Variants in PLEKHG1 observed in about 807,000 individuals in gnomAD.
The protein encoded by PLEKHG1 is pleckstrin homology and RhoGEF domain containing G1.
PLEKHG1 carries 44 observed loss-of-function variants against 100.8 expected under a neutral mutation model. The observed-to-expected ratio is 0.44, with a 90% CI of 0.34 to 0.56. The LOEUF (loss-of-function observed/expected upper bound fraction) is 0.56. Ranked by LOEUF, PLEKHG1 falls within the 20% of genes least tolerant of loss-of-function variation. PLEKHG1 has a pLI of 0.01. For synonymous variants in PLEKHG1, 640 were observed against 662.5 expected, an observed-to-expected ratio of 0.97 and a Z score of 0.52; for missense variants, 1,545 against 1,720.9, an observed-to-expected ratio of 0.90 and a Z score of 1.81.
chr6:150,793,766 G>A (rs777890377), intron 4 of PLEKHG1, among the ~76,000 whole-genome samples: 2 of 152,124 alleles, frequency 1.3e-5, no homozygotes, highest in African/African-American at 2.4e-5. Context: ...AAACCAGTAC[G>A]AGTATAATGG....
In PLEKHG1 at chr6:150,764,914, C is replaced by T. The variant is rs113744274; in HGVS notation, c.412-3724C>T. On this transcript the variant is annotated intron_variant, in intron 2 of 15. Coordinates refer to ENST00000358517, the Ensembl canonical transcript of PLEKHG1. Reference sequence around the variant, plus strand: ...TTTACACTTGGCTCTTCAACTATACCGGGAGCTTGCTGGGGGAAGGGATCA... The same window carrying T: ...TTTACACTTGGCTCTTCAACTATACTGGGAGCTTGCTGGGGGAAGGGATCA... Among the ~76,000 whole-genome samples, 74 of 148,808 alleles carry T rather than the reference C, an allele frequency of 5.0e-4. 1 individual carries two copies. Among genetic ancestry groups the T allele is most frequent in the African/African-American group, 1.5e-3 (59 of 39,538 alleles).
At chr6:150,765,245 C>A (rs974854992) in intron 2 of PLEKHG1, among the ~76,000 whole-genome samples, 1 of 152,140 alleles carries the variant, frequency 6.6e-6, no homozygotes, top group African/African-American at 2.4e-5. Flanking sequence ...GTAATCCCAG[C>A]ATTTTGGGAG....
At chr6:150,820,576 C>T (rs1045149105) in intron 12 of PLEKHG1, among the ~76,000 whole-genome samples, 1 of 151,946 alleles carries the variant, frequency 6.6e-6, no homozygotes, top group Non-Finnish European at 1.5e-5. Flanking sequence ...ACAAAAAATG[C>T]AAATAAGGCC....
At chr6:150,781,835 G>A (rs1397041266) in intron 3 of PLEKHG1, among the ~76,000 whole-genome samples, 1 of 150,226 alleles carries the variant, frequency 6.7e-6, no homozygotes, top group Admixed American at 6.6e-5. Context: ...GCAGTGGCCC[G>A]ATCTCGGCTC....
chr6:150,728,384 A>T lies in PLEKHG1; in HGVS notation c.-98-5200A>T, dbSNP rs902208662. On this transcript the variant is annotated intron_variant, in intron 1 of 15. Transcript: ENST00000358517. Reference sequence around the variant, plus strand: ...CAAGATGGGAGGATCACTTGAGCCCAGGAGTTCAAGACCAGCCTGGGCAAC... The same window carrying T: ...CAAGATGGGAGGATCACTTGAGCCCTGGAGTTCAAGACCAGCCTGGGCAAC... Among the ~76,000 whole-genome samples the T allele has an allele frequency of 1.1e-4, 17 of 152,108 alleles. No individual in the cohort carries two copies. In the East Asian group the frequency reaches 1.9e-3, roughly 17 times the overall value.
At chr6:150,773,512 C>T (rs557253377) in intron 3 of PLEKHG1, among the ~76,000 whole-genome samples, 26 of 152,112 alleles carry the variant, frequency 1.7e-4, no homozygotes, top group African/African-American at 3.6e-4. Context: ...TCAGCCTCGG[C>T]GACAAAGCGA....
At chr6:150,678,743 T>G (rs1779841902) in intron 3 of PLEKHG1, among the ~76,000 whole-genome samples, 1 of 152,226 alleles carries the variant, frequency 6.6e-6, no homozygotes. Context: ...TAACAAAGGC[T>G]TTGCTAAAGA....
At chr6:150,718,327 A>C (rs1781518132), upstream of PLEKHG1, among the ~76,000 whole-genome samples, 1 of 152,170 alleles carries the variant, frequency 6.6e-6, no homozygotes, top group Non-Finnish European at 1.5e-5. Context: ...GGTGGGGAGC[A>C]CTGGAACGCA....
intron 3 of PLEKHG1, among the ~76,000 whole-genome samples, chr6:150,709,688 A>G (rs1781173034): frequency 6.6e-6 from 1 of 152,330 alleles, no homozygotes; most frequent in South Asian, 2.1e-4. Context: ...ACCCACCTCA[A>G]CTTCAGATCT....
At chr6:150,755,976 T>C (rs971258469) in intron 2 of PLEKHG1, among the ~76,000 whole-genome samples, 1 of 152,184 alleles carries the variant, frequency 6.6e-6, no homozygotes, top group Non-Finnish European at 1.5e-5. Flanking sequence ...GGCACTTCTG[T>C]TCAGATTATA....
intron 2 of PLEKHG1, among the ~76,000 whole-genome samples, chr6:150,755,087 C>T (rs1036363388): frequency 3.3e-5 from 5 of 152,170 alleles, no homozygotes; most frequent in South Asian, 2.1e-4. Context: ...GCAACCCTCC[C>T]GCCCTAGTTT....
intron 2 of PLEKHG1, among the ~76,000 whole-genome samples, chr6:150,757,004 A>C (rs1783877095): frequency 7.6e-6 from 1 of 131,944 alleles, no homozygotes; most frequent in Non-Finnish European, 1.5e-5. Context: ...GAAAAGCTGT[A>C]CCTGTTTTTG....
intron 3 of PLEKHG1, among the ~76,000 whole-genome samples, chr6:150,691,977 C>T (rs954494480): frequency 6.6e-6 from 1 of 152,236 alleles, no homozygotes; most frequent in Non-Finnish European, 1.5e-5. Flanking sequence ...GGGGTGGATC[C>T]AGGTTCCTGT....
chr6:150,637,416 A>G (rs1398166287), intron 1 of PLEKHG1, among the ~76,000 whole-genome samples: 1 of 149,378 alleles, frequency 6.7e-6, no homozygotes, highest in Admixed American at 6.7e-5. Context: ...TTTTAATTTC[A>G]TGTCATCCTC....
chr6:150,819,331 G>A (rs1021920556), intron 11 of PLEKHG1, among the ~76,000 whole-genome samples: 3 of 152,110 alleles, frequency 2.0e-5, no homozygotes, highest in Middle Eastern at 3.4e-3. Context: ...TTGGGAGGCC[G>A]AGGTGGGTGG....
At chr6:150,800,336 C>T (rs559029946) in intron 5 of PLEKHG1, among the ~76,000 whole-genome samples, 2 of 152,294 alleles carry the variant, frequency 1.3e-5, no homozygotes, top group Admixed American at 6.5e-5. Context: ...TATAATCTAA[C>T]GCGTGGAAAT....
Position 150,683,590 on chromosome 6 carries a change from C to T in PLEKHG1, c.-99+32804C>T, listed in dbSNP as rs1780006374. ...ACCACTGCTGTTCCCACAGCAGTCACGGTCATCACTTAGCTTCCTGTTGGG... is the reference window on the plus strand; with the variant it reads ...ACCACTGCTGTTCCCACAGCAGTCATGGTCATCACTTAGCTTCCTGTTGGG... On this transcript the variant is annotated intron_variant, in intron 3 of 3. Transcript: ENST00000367326. The surrounding 1 kb of genome is among the most constrained non-coding windows in gnomAD (Gnocchi z 4.0). 6 of 316,988 alleles carry T rather than the reference C, an allele frequency of 1.9e-5. No individual in the cohort carries two copies. Among genetic ancestry groups the T allele is most frequent in the African/African-American group, 1.1e-4 (5 of 45,636 alleles). 19.6% of individuals were successfully genotyped at this position (316,988 alleles called of 1,614,324 possible).
intron 3 of PLEKHG1, among the ~76,000 whole-genome samples, chr6:150,678,440 G>A (rs1779834708): frequency 6.6e-6 from 1 of 152,066 alleles, no homozygotes; most frequent in African/African-American, 2.4e-5. Context: ...AGCAGGAATT[G>A]TTTCACTAGA....
intron 2 of PLEKHG1, among the ~76,000 whole-genome samples, chr6:150,764,015 C>T (rs1007869089): frequency 1.3e-5 from 2 of 152,192 alleles, no homozygotes; most frequent in Admixed American, 6.5e-5. Context: ...TCCTCTCCAC[C>T]TGACTCAGGG....
Sources: allele counts gnomAD v4.1 joint callset (sites outside exome capture counted in the v4.1 genomes callset), GRCh38; gene constraint gnomAD v4.1.1; non-coding constraint Gnocchi (gnomAD v3.1); transcripts MANE v1.5; gene names NCBI Gene and HGNC (gene_info 2026-07-23, HGNC 2026-07-21).